Variants in RAP1GAP2 observed in about 807,000 individuals in gnomAD.
RAP1GAP2 encodes the protein rap1 GTPase-activating protein 2.
In RAP1GAP2, 27 loss-of-function variants were observed where a neutral mutation model predicts 95.0. The observed-to-expected ratio is 0.28, with a 90% CI of 0.21 to 0.39. The LOEUF is 0.39. Among genes scored for constraint, RAP1GAP2 ranks in the 10% least tolerant of loss-of-function variants. The pLI is 1.00. For missense variants in RAP1GAP2, 771 were observed against 970.0 expected (o/e 0.79, Z 2.72); for synonymous variants, 373 against 380.9 (o/e 0.98, Z 0.24).
At chr17:2,801,501 A>G (rs1567660231) in intron 2 of RAP1GAP2, among the ~76,000 whole-genome samples, 2 of 150,978 alleles carry the variant, frequency 1.3e-5, no homozygotes, top group African/African-American at 4.9e-5. Flanking sequence ...AGATAATTAC[A>G]TTTTTTATCA....
intron 2 of RAP1GAP2, among the ~76,000 whole-genome samples, chr17:2,828,665 C>T (rs2151538680): frequency 6.6e-6 from 1 of 152,248 alleles, no homozygotes. Flanking sequence ...GGTGGGGCCG[C>T]GGGTTCTTTG....
rs905316407 is a variant in RAP1GAP2 at position 2,963,608 on chromosome 17, C to T, written c.279+146C>T. ...TCTCTTCCTGTCTTTGCCTTTGTAA[C>T]CTCAGCTTCTCCATGTGTTAAGTTG... On this transcript the variant is annotated intron_variant, in intron 6 of 24. Coordinates refer to ENST00000254695, the MANE Select transcript of RAP1GAP2 (RefSeq NM_015085.5). This position sits in a 1 kb window ranked among gnomAD's most constrained non-coding sequence, Gnocchi z 4.8. 5 of 1,150,566 alleles carry T rather than the reference C, an allele frequency of 4.3e-6. No homozygotes were observed. Among genetic ancestry groups the T allele is most frequent in the Non-Finnish European group, 2.6e-6 (2 of 783,898 alleles). 71.3% of individuals were successfully genotyped at this position (1,150,566 alleles called of 1,614,324 possible).
chr17:2,936,028 C>G (rs117341003), intron 3 of RAP1GAP2, among the ~76,000 whole-genome samples: 1 of 151,920 alleles, frequency 6.6e-6, no homozygotes, highest in Non-Finnish European at 1.5e-5. Flanking sequence ...GCTAATTTGA[C>G]GGTGGGGAGA....
chr17:2,862,060 T>C (rs2072419175), intron 2 of RAP1GAP2, among the ~76,000 whole-genome samples: 2 of 152,208 alleles, frequency 1.3e-5, no homozygotes, highest in African/African-American at 4.8e-5. Flanking sequence ...TTGTAGAGAA[T>C]TGCAAATGAT....
intron 2 of RAP1GAP2, among the ~76,000 whole-genome samples, chr17:2,829,894 C>T (rs557521926): frequency 1.5e-4 from 23 of 151,052 alleles, no homozygotes; most frequent in Non-Finnish European, 3.4e-4. Context: ...TCAAGAGATC[C>T]TTCTGCCTCA....
chr17:2,887,680 G>T (rs200639928), intron 2 of RAP1GAP2, among the ~76,000 whole-genome samples: 115 of 138,470 alleles, frequency 8.3e-4, no homozygotes, highest in Non-Finnish European at 5.6e-4. Context: ...TGGTTTTTTT[G>T]TTTTTTTTTT....
intron 1 of RAP1GAP2, among the ~76,000 whole-genome samples, chr17:2,762,188 C>G (rs942865237): frequency 6.6e-6 from 1 of 151,142 alleles, no homozygotes. Context: ...GGGGTTTCAC[C>G]GTGTTAGCCA....
intron 2 of RAP1GAP2, among the ~76,000 whole-genome samples, chr17:2,898,213 AC>A (rs2041904142): frequency 6.6e-6 from 1 of 152,112 alleles, no homozygotes; most frequent in Admixed American, 6.6e-5. Context: ...CACCCGGCCA[AC>A]GGGGGAGTTT....
At chr17:3,010,374 G>A (rs2046488044) in intron 17 of RAP1GAP2, among the ~76,000 whole-genome samples, 1 of 150,820 alleles carries the variant, frequency 6.6e-6, no homozygotes, top group African/African-American at 2.4e-5. Context: ...AAGTTGAGCT[G>A]CAGTTGGGGA....
At chr17:2,807,872 G>GT (rs1302096436) in intron 2 of RAP1GAP2, among the ~76,000 whole-genome samples, 8 of 152,158 alleles carry the variant, frequency 5.3e-5, no homozygotes, top group Non-Finnish European at 8.8e-5. Flanking sequence ...GACTGGAGGG[G>GT]TTAGAGAGGA....
chr17:2,787,071 C>T (rs1321469983), intron 1 of RAP1GAP2, among the ~76,000 whole-genome samples: 1 of 151,484 alleles, frequency 6.6e-6, no homozygotes, highest in Admixed American at 6.6e-5. Context: ...CTGCCCCAGC[C>T]TCCCAAATAG....
chr17:2,837,901 C>T (rs367593848), intron 2 of RAP1GAP2, among the ~76,000 whole-genome samples: 2 of 150,316 alleles, frequency 1.3e-5, no homozygotes, highest in East Asian at 4.0e-4. Flanking sequence ...CCACCGCACC[C>T]GGTCTCAGCC....
chr17:2,885,949 C>A (rs1223166486), intron 2 of RAP1GAP2, among the ~76,000 whole-genome samples: 1 of 152,172 alleles, frequency 6.6e-6, no homozygotes, highest in East Asian at 1.9e-4. Flanking sequence ...GGCCGAAATG[C>A]CGGCCTTTTC....
chr17:2,792,008 C>T (rs952780601), upstream of RAP1GAP2, among the ~76,000 whole-genome samples: 5 of 152,162 alleles, frequency 3.3e-5, no homozygotes, highest in East Asian at 1.9e-4. Context: ...TACAGGTGCC[C>T]GCCACCATGC....
At chr17:2,921,089 T>C (rs1473236362) in intron 3 of RAP1GAP2, among the ~76,000 whole-genome samples, 3 of 152,142 alleles carry the variant, frequency 2.0e-5, no homozygotes, top group Admixed American at 1.3e-4. Flanking sequence ...CTTGGCGGAG[T>C]GTGGAGCTGG....
intron 17 of RAP1GAP2, among the ~76,000 whole-genome samples, chr17:3,012,476 GGC>G (rs1368155214): frequency 6.6e-6 from 1 of 151,724 alleles, no homozygotes; most frequent in African/African-American, 2.4e-5. Context: ...AAATCAGATG[GGC>G]GTGGTGGTGC....
At chr17:2,780,562 C>T (rs1006759479) in intron 1 of RAP1GAP2, among the ~76,000 whole-genome samples, 2 of 152,192 alleles carry the variant, frequency 1.3e-5, no homozygotes, top group Non-Finnish European at 2.9e-5. Context: ...TGCACCCCCC[C>T]CAGGAGAGGT....
At chr17:3,031,976 C>A (rs2047324919) in intron 23 of RAP1GAP2, among the ~76,000 whole-genome samples, 1 of 149,834 alleles carries the variant, frequency 6.7e-6, no homozygotes, top group East Asian at 2.0e-4. Flanking sequence ...GTTCCTGGGT[C>A]CCCCAGTCCC....
chr17:3,007,285 G>A (rs1019449847), intron 16 of RAP1GAP2, among the ~76,000 whole-genome samples: 20 of 152,292 alleles, frequency 1.3e-4, no homozygotes, highest in African/African-American at 4.3e-4. Flanking sequence ...GGCTCGATGT[G>A]TATGCCAGAG....
Sources: allele counts gnomAD v4.1 joint callset (sites outside exome capture counted in the v4.1 genomes callset), GRCh38; gene constraint gnomAD v4.1.1; non-coding constraint Gnocchi (gnomAD v3.1); transcripts MANE v1.5; gene names NCBI Gene and HGNC (gene_info 2026-07-23, HGNC 2026-07-21).